SLMAP: variants seen among roughly 807,000 people sequenced by gnomAD.
SLMAP encodes the protein sarcolemma associated protein.
In SLMAP, 44 loss-of-function variants were observed where a neutral mutation model predicts 128.8. The observed-to-expected ratio is 0.34, with a 90% CI of 0.27 to 0.44. The LOEUF (loss-of-function observed/expected upper bound fraction) is 0.44. Ranked by LOEUF, SLMAP falls within the 20% of genes least tolerant of loss-of-function variation. The pLI is 1.00. For missense variants in SLMAP, 787 were observed against 985.3 expected (o/e 0.80, Z 2.69); for synonymous variants, 327 against 348.8 (o/e 0.94, Z 0.70).
intron 3 of SLMAP, among the ~76,000 whole-genome samples, chr3:57,833,301 G>GT (rs1051227119): frequency 5.3e-5 from 8 of 152,174 alleles, no homozygotes; most frequent in African/African-American, 1.7e-4. Flanking sequence ...CCTTTCCACT[G>GT]TTTTTTCCCA....
intron 8 of SLMAP, among the ~76,000 whole-genome samples, chr3:57,860,073 G>A (rs567334345): frequency 6.6e-6 from 1 of 152,036 alleles, no homozygotes; most frequent in South Asian, 2.1e-4. Flanking sequence ...TTAGAGACAG[G>A]GTCTTGCTAT....
At chr3:57,768,693 A>C (rs571930677) in intron 2 of SLMAP, among the ~76,000 whole-genome samples, 1 of 152,150 alleles carries the variant, frequency 6.6e-6, no homozygotes, top group East Asian at 1.9e-4. Flanking sequence ...TCAAACACCA[A>C]CCTGATATTC....
intron 9 of SLMAP, 71 bp from the exon 10 acceptor site, chr3:57,861,878 C>A: frequency 7.6e-7 from 1 of 1,308,398 alleles, no homozygotes; most frequent in Non-Finnish European, 1.1e-6. Context: ...TTATAAATTT[C>A]ATTTAGAAGG....
At chr3:57,920,028 G>T (rs2096888029) in intron 22 of SLMAP, among the ~76,000 whole-genome samples, 1 of 152,070 alleles carries the variant, frequency 6.6e-6, no homozygotes, top group Admixed American at 6.6e-5. Flanking sequence ...CAGACTAGAT[G>T]TAAGAATGGT....
At chr3:57,911,923 TAAAAAAAA>T (rs57106769) in intron 19 of SLMAP, among the ~76,000 whole-genome samples, 2 of 52,368 alleles carry the variant, frequency 3.8e-5, no homozygotes, top group Non-Finnish European at 7.0e-5. Flanking sequence ...GGATTCACCC[TAAAAAAAA>T]AAAAAAAAAA....
intron 2 of SLMAP, among the ~76,000 whole-genome samples, chr3:57,772,522 T>C (rs924919429): frequency 9.9e-5 from 15 of 152,256 alleles, no homozygotes; most frequent in Non-Finnish European, 1.5e-5. Flanking sequence ...CCTCAGCTTA[T>C]AATGTTGACA....
In SLMAP at chr3:57,871,652, G is replaced by C. The variant is rs757922034; in HGVS notation, c.1254G>C (p.Lys418Asn). 1 of 1,612,958 alleles carries C rather than the reference G, an allele frequency of 6.2e-7. No homozygotes were observed. The highest frequency in any genetic ancestry group is 1.1e-5 in the South Asian group (1 of 91,026). ...GSTEKEHLLS[K>N]SGGDCTFIHQ... Reference sequence around the variant, plus strand: ...CTTTATTAGAGCACTTGCTTTCAAAGAGTGGCGGGGACTGCACTTTTATTC... The same window carrying C: ...CTTTATTAGAGCACTTGCTTTCAAACAGTGGCGGGGACTGCACTTTTATTC... The change falls in exon 14 of 25, where the codon AAG becomes AAC. Residue 418 changes from lysine (K) to asparagine (N), a missense_variant. Lys to Asn is a moderately conservative substitution (Grantham distance 94). This residue lies in a region of SLMAP where 715 missense variants were observed against 843.6 expected (regional missense o/e 0.85). Transcript: ENST00000671191.
At chr3:57,785,745 T>C (rs1010730727) in intron 2 of SLMAP, among the ~76,000 whole-genome samples, 15 of 152,218 alleles carry the variant, frequency 9.9e-5, no homozygotes, top group Admixed American at 8.5e-4. Context: ...TTGAGGTCTT[T>C]GGTAAATATA....
At chr3:57,817,014 G>T (rs1162014821) in intron 2 of SLMAP, among the ~76,000 whole-genome samples, 1 of 152,136 alleles carries the variant, frequency 6.6e-6, no homozygotes, top group Non-Finnish European at 1.5e-5. Context: ...GGGTGATTAG[G>T]GTCATTTTGA....
At chr3:57,789,577 C>G (rs2084988100) in intron 2 of SLMAP, among the ~76,000 whole-genome samples, 1 of 152,000 alleles carries the variant, frequency 6.6e-6, no homozygotes, top group Admixed American at 6.5e-5. Flanking sequence ...TTGGCTAAAA[C>G]TGGATTTTAC....
chr3:57,757,570 G>GC lies in SLMAP; in HGVS notation c.-81dup, dbSNP rs2153422956. The GC allele has an allele frequency of 7.5e-7, 1 of 1,336,128 alleles. No homozygotes were observed. The highest frequency in any genetic ancestry group is 1.4e-5 in the African/African-American group (1 of 69,088). 82.8% of individuals were successfully genotyped at this position (1,336,128 alleles called of 1,614,324 possible). A position where few individuals can be genotyped will look rare whatever the true frequency, so the allele number is the denominator to read the frequency against. On this transcript the variant is annotated 5_prime_UTR_variant, in exon 2 of 25. Transcript: ENST00000671191. ...ATTTAAAATTTTGGGTGGGATAGGG[G>GC]CATAGGCTTGTGAAGGGCAGTCCGG...
intron 2 of SLMAP, among the ~76,000 whole-genome samples, chr3:57,818,449 C>T (rs1178570742): frequency 2.6e-5 from 4 of 152,232 alleles, no homozygotes; most frequent in Non-Finnish European, 5.9e-5. Flanking sequence ...GCCACTGCGC[C>T]TGGCCATAGT....
chr3:57,843,329 T>TC (rs1553866964), intron 4 of SLMAP, among the ~76,000 whole-genome samples: 4 of 129,012 alleles, frequency 3.1e-5, no homozygotes, highest in Non-Finnish European at 6.8e-5. Context: ...TTTTTTTTTT[T>TC]CTTTGACAGC....
intron 6 of SLMAP, among the ~76,000 whole-genome samples, 189 bp from the exon 7 acceptor site, chr3:57,857,544 G>C (rs1050876002): frequency 4.6e-5 from 7 of 152,186 alleles, no homozygotes; most frequent in Non-Finnish European, 8.8e-5. Flanking sequence ...AACTGAAACT[G>C]TGGAAAGGGA....
intron 14 of SLMAP, among the ~76,000 whole-genome samples, chr3:57,887,747 A>G (rs1052159667): frequency 3.9e-5 from 6 of 152,176 alleles, no homozygotes; most frequent in African/African-American, 9.7e-5. Flanking sequence ...GGCTAGCATC[A>G]GTCCTATGAA....
At chr3:57,780,886 A>G (rs1334939691) in intron 2 of SLMAP, among the ~76,000 whole-genome samples, 2 of 151,628 alleles carry the variant, frequency 1.3e-5, no homozygotes, top group African/African-American at 2.4e-5. Context: ...CAAGTGATCT[A>G]CCCACCTCAG....
chr3:57,898,661 A>G (rs749934425), intron 17 of SLMAP: 3 of 152,220 alleles, frequency 2.0e-5, no homozygotes, highest in Non-Finnish European at 2.9e-5. Flanking sequence ...ATTGCCTACC[A>G]CAATGCAGGT....
chr3:57,909,031 A>G, intron 18 of SLMAP, 45 bp from the exon 19 acceptor site: 2 of 1,357,474 alleles, frequency 1.5e-6, no homozygotes, highest in Non-Finnish European at 2.1e-6. Context: ...GAGTACTTTC[A>G]TTAATTCACA....
chr3:57,862,034 A>G lies in SLMAP; in HGVS notation c.914A>G (p.Asn305Ser), dbSNP rs1171812671. 1 of 1,598,672 alleles carries G rather than the reference A, an allele frequency of 6.3e-7. No individual in the cohort carries two copies. Among genetic ancestry groups the G allele is most frequent in the East Asian group, 2.2e-5 (1 of 44,764 alleles). The change falls in exon 10 of 25, where the codon AAC (asparagine) becomes AGC (serine). Residue 305 changes from asparagine (N) to serine (S), a missense_variant. Around this residue, in one of 2 missense-constraint regions of SLMAP, gnomAD observed 715 missense variants for 843.6 expected, o/e 0.85. Transcript: ENST00000671191. The stretch of plus-strand genomic sequence containing the variant: ...CAGGAAGAATTAAGAGAATTAGCCA[A>G]CAAATATAATGGAGCAGTTAATGAG... Reference protein sequence around the residue: ...RTQEELRELANKYNGAVNEIK... With the variant: ...RTQEELRELASKYNGAVNEIK...
Sources: allele counts gnomAD v4.1 joint callset (sites outside exome capture counted in the v4.1 genomes callset), GRCh38; gene constraint gnomAD v4.1.1; regional missense constraint gnomAD v4.1.1; transcripts MANE v1.5; gene names NCBI Gene and HGNC (gene_info 2026-07-23, HGNC 2026-07-21).